Variants in CFAP47 observed in about 807,000 individuals in gnomAD.
The protein encoded by CFAP47 is cilia and flagella associated protein 47.
In CFAP47, 29 loss-of-function variants were observed where a neutral mutation model predicts 148.1. The ratio of observed to expected loss-of-function variants is 0.20; its 90% CI spans 0.15 to 0.27. CFAP47 has a LOEUF of 0.27. CFAP47 is among the 10% of genes least tolerant of loss of function. The pLI is 1.00. For missense variants in CFAP47, 1,872 were observed against 1,697.5 expected, an observed-to-expected ratio of 1.10 and a Z score of -1.81; for synonymous variants, 664 against 577.3, an observed-to-expected ratio of 1.15 and a Z score of -2.15.
intron 26 of CFAP47, among the ~76,000 whole-genome samples, chrX:36,057,004 A>T (rs1016559560): frequency 9.0e-6 from 1 of 111,721 alleles, no homozygotes; most frequent in African/African-American, 3.3e-5. Flanking sequence ...AATCCTCTTA[A>T]ACTCCAAACT....
chrX:35,923,588 G>A (rs971054058), intron 1 of CFAP47, among the ~76,000 whole-genome samples: 12 of 110,225 alleles, frequency 1.1e-4, no homozygotes, highest in Admixed American at 8.8e-4. Context: ...TTGGGAGGCC[G>A]AGGCGGGCAG....
intron 45 of CFAP47, 112 bp downstream of exon 45, chrX:36,205,222 A>G (rs1199516356): frequency 3.5e-6 from 1 of 287,235 alleles, no homozygotes; most frequent in Non-Finnish European, 6.1e-6. Context: ...TGTTCATAAT[A>G]TAATTGAAGG....
intron 54 of CFAP47, 52 bp from the exon 55 acceptor site, chrX:36,306,720 A>G: frequency 1.3e-6 from 1 of 750,658 alleles, no homozygotes; most frequent in Middle Eastern, 2.9e-4. Context: ...TACCAACTCA[A>G]GCCAATTGGG....
At chrX:35,987,835 A>G (rs1936738415) in intron 15 of CFAP47, among the ~76,000 whole-genome samples, 1 of 111,587 alleles carries the variant, frequency 9.0e-6, no homozygotes, top group Non-Finnish European at 1.9e-5. Flanking sequence ...GGCAAGGTCC[A>G]TCACGGCTTC....
At chrX:36,036,215 C>A (rs1406447208) in intron 24 of CFAP47, among the ~76,000 whole-genome samples, 2 of 110,853 alleles carry the variant, frequency 1.8e-5, no homozygotes, top group Non-Finnish European at 3.8e-5. Flanking sequence ...CCATTTCCCC[C>A]ACTCCCAAGC....
At chrX:36,195,205 G>A (rs1411809999) in intron 42 of CFAP47, among the ~76,000 whole-genome samples, 1 of 112,632 alleles carries the variant, frequency 8.9e-6, no homozygotes, top group Non-Finnish European at 1.9e-5. Context: ...ATTCATTTCT[G>A]TATGATAGTG....
intron 49 of CFAP47, among the ~76,000 whole-genome samples, chrX:36,266,145 G>A: frequency 9.0e-6 from 1 of 111,111 alleles, no homozygotes; most frequent in Non-Finnish European, 1.9e-5. Flanking sequence ...GGCACGGTGG[G>A]TGTAAATGCT....
chrX:36,107,376 T>G (rs1938483742), intron 33 of CFAP47, among the ~76,000 whole-genome samples: 1 of 112,353 alleles, frequency 8.9e-6, no homozygotes, highest in African/African-American at 3.2e-5. Flanking sequence ...ACAACTCATA[T>G]TTTCTAAAAT....
At chrX:36,187,411 A>T (rs1016001509) in intron 40 of CFAP47, among the ~76,000 whole-genome samples, 2 of 112,104 alleles carry the variant, frequency 1.8e-5, no homozygotes, top group Non-Finnish European at 1.9e-5. Context: ...TGAACTAGAG[A>T]TTACAAGGAT....
chrX:35,952,407 A>G (rs1936180648), intron 6 of CFAP47, among the ~76,000 whole-genome samples: 2 of 112,097 alleles, frequency 1.8e-5, no homozygotes, highest in African/African-American at 6.5e-5. Context: ...GATCAGTCAA[A>G]CTTGTTTGCT....
chrX:36,038,992 G>C lies in CFAP47; in HGVS notation c.3820G>C (p.Gly1274Arg), dbSNP rs1937369880. The C allele has an allele frequency of 8.4e-6, 9 of 1,075,675 alleles. No individual in the cohort carries two copies. The highest frequency in any genetic ancestry group is 1.1e-5 in the Non-Finnish European group (9 of 813,608). The allele number at this position is 1,075,675 out of a possible 1,213,427, so 88.6% of individuals were successfully genotyped here. A position where few individuals can be genotyped will look rare whatever the true frequency, so the allele number is the denominator to read the frequency against. Reference sequence around the variant, plus strand: ...AATTTGTTTTTCATTAGATCGTCCTGGGACATACACAGCAGATATTCCTAT... The same window carrying C: ...AATTTGTTTTTCATTAGATCGTCCTCGGACATACACAGCAGATATTCCTAT... ...VSISFCPNRPGTYTADIPMLL... is the reference protein window; with the variant it reads ...VSISFCPNRPRTYTADIPMLL... The change falls in exon 25 of 64, where the codon GGG becomes CGG. Residue 1274 changes from glycine (G) to arginine (R), a missense_variant. Physicochemically the swap from Gly to Arg is moderately radical, Grantham distance 125. Coordinates refer to ENST00000378653, the MANE Select transcript of CFAP47 (RefSeq NM_001304548.2).
chrX:36,174,765 G>A (rs1939644163), intron 39 of CFAP47, among the ~76,000 whole-genome samples: 1 of 110,457 alleles, frequency 9.1e-6, no homozygotes, highest in Non-Finnish European at 1.9e-5. Flanking sequence ...TGGTGAATCT[G>A]ACAATTATGT....
intron 16 of CFAP47, chrX:35,989,726 T>C (rs1936765030): frequency 1.2e-5 from 7 of 563,990 alleles, no homozygotes; most frequent in Non-Finnish European, 1.8e-5. Context: ...AATATGCAAT[T>C]TTAACCTTTT....
intron 2 of CFAP47, among the ~76,000 whole-genome samples, chrX:35,928,600 G>T (rs1935780477): frequency 9.1e-6 from 1 of 110,444 alleles, no homozygotes; most frequent in Admixed American, 9.6e-5. Context: ...CCAGTTTGAG[G>T]TTTGACTTTT....
intron 40 of CFAP47, among the ~76,000 whole-genome samples, chrX:36,186,952 C>T (rs1939813990): frequency 9.1e-6 from 1 of 110,156 alleles, no homozygotes; most frequent in African/African-American, 3.3e-5. Flanking sequence ...AGTTTATGAG[C>T]ATTTAGAAAG....
In CFAP47 at chrX:36,027,083, A is replaced by AT. The variant is rs1384068641; in HGVS notation, c.3557-4169dup. Among the ~76,000 whole-genome samples, 189 of 103,274 alleles carry AT rather than the reference A, an allele frequency of 1.8e-3. 1 individual carries two copies. The highest frequency in any genetic ancestry group is 5.1e-3 in the Middle Eastern group (1 of 198). The allele number at this position is 103,274 out of a possible 115,157, so 89.7% of individuals were successfully genotyped here. ...CTGGTGACTTTCATGTGAATCTGTC[A>AT]TCATATATATATATGATTATATATA... On this transcript the variant is annotated intron_variant, in intron 22 of 63. Coordinates refer to ENST00000378653, the MANE Select transcript of CFAP47 (RefSeq NM_001304548.2).
chrX:35,948,657 C>A (rs1936119403), intron 4 of CFAP47, among the ~76,000 whole-genome samples: 1 of 111,584 alleles, frequency 9.0e-6, no homozygotes, highest in Admixed American at 9.6e-5. Flanking sequence ...ATAACAGGAT[C>A]TTCTATTTTG....
At chrX:36,167,967 G>C (rs1373899182) in intron 39 of CFAP47, among the ~76,000 whole-genome samples, 1 of 111,128 alleles carries the variant, frequency 9.0e-6, no homozygotes, top group Non-Finnish European at 1.9e-5. Context: ...ATCTCTCATG[G>C]TGTCAGGCTT....
intron 29 of CFAP47, among the ~76,000 whole-genome samples, chrX:36,073,745 C>T (rs922473779): frequency 9.0e-6 from 1 of 111,107 alleles, no homozygotes; most frequent in African/African-American, 3.3e-5. Flanking sequence ...ACAAGGAGGG[C>T]TCACTTTTCT....
Sources: allele counts gnomAD v4.1 joint callset (sites outside exome capture counted in the v4.1 genomes callset), GRCh38; gene constraint gnomAD v4.1.1; transcripts MANE v1.5; gene names NCBI Gene and HGNC (gene_info 2026-07-23, HGNC 2026-07-21).